The following CNTN5 variants were observed in gnomAD, a reference collection of about 807,000 sequenced individuals.
The protein encoded by CNTN5 is contactin-5.
In CNTN5, 77 loss-of-function variants were observed where a neutral mutation model predicts 129.1. The observed-to-expected ratio is 0.60, with a 90% CI of 0.50 to 0.72. CNTN5 has a LOEUF of 0.72. Among genes scored for constraint, CNTN5 ranks in the 30% least tolerant of loss-of-function variants. The pLI is 0.00. For missense variants in CNTN5, 1,478 were observed against 1,328.8 expected, an observed-to-expected ratio of 1.11 and a Z score of -1.75; for synonymous variants, 509 against 465.6, an observed-to-expected ratio of 1.09 and a Z score of -1.20.
At chr11:100,057,724 C>T (rs1274304171) in intron 9 of CNTN5, among the ~76,000 whole-genome samples, 2 of 151,898 alleles carry the variant, frequency 1.3e-5, no homozygotes, top group Admixed American at 6.6e-5. Flanking sequence ...CATATTAGAA[C>T]CCAGGTTTCT....
At chr11:99,963,009 G>T (rs1364526512) in intron 8 of CNTN5, among the ~76,000 whole-genome samples, 1 of 152,028 alleles carries the variant, frequency 6.6e-6, no homozygotes, top group East Asian at 1.9e-4. Context: ...GGGGTTGTTT[G>T]TTTATTTCTT....
intron 3 of CNTN5, among the ~76,000 whole-genome samples, chr11:99,689,042 T>C (rs1953918880): frequency 6.6e-6 from 1 of 152,140 alleles, no homozygotes; most frequent in Admixed American, 6.5e-5. Flanking sequence ...GTCTTTTCTA[T>C]TGTGAATAGT....
At chr11:99,791,018 AC>A (rs1179161115) in intron 3 of CNTN5, among the ~76,000 whole-genome samples, 5 of 151,706 alleles carry the variant, frequency 3.3e-5, no homozygotes, top group Non-Finnish European at 7.4e-5. Flanking sequence ...ACTGCTTATT[AC>A]TTTTTCAGTT....
chr11:99,046,820 A>G (rs1374436747), intron 1 of CNTN5, among the ~76,000 whole-genome samples: 1 of 152,090 alleles, frequency 6.6e-6, no homozygotes, highest in Non-Finnish European at 1.5e-5. Context: ...AATGCAATAA[A>G]TATAACTTGC....
chr11:100,013,046 A>G (rs369369307), intron 9 of CNTN5, among the ~76,000 whole-genome samples: 1 of 152,196 alleles, frequency 6.6e-6, no homozygotes, highest in Non-Finnish European at 1.5e-5. Flanking sequence ...AGCAACATGT[A>G]CATAACTGAA....
intron 8 of CNTN5, among the ~76,000 whole-genome samples, chr11:99,997,648 C>A (rs1474798798): frequency 6.6e-6 from 1 of 152,108 alleles, no homozygotes; most frequent in Non-Finnish European, 1.5e-5. Flanking sequence ...CTCCCTAACT[C>A]ACTTTATGAG....
At chr11:100,094,717 A>T (rs192965381) in intron 13 of CNTN5, among the ~76,000 whole-genome samples, 1 of 150,952 alleles carries the variant, frequency 6.6e-6, no homozygotes, top group Non-Finnish European at 1.5e-5. Context: ...CCAGGAGGAA[A>T]AAAGGAAAGA....
At chr11:100,186,180 C>A (rs1387209968) in intron 13 of CNTN5, among the ~76,000 whole-genome samples, 1 of 151,906 alleles carries the variant, frequency 6.6e-6, no homozygotes, top group East Asian at 1.9e-4. Flanking sequence ...GGCAACATGG[C>A]AAAGCCCATC....
intron 1 of CNTN5, among the ~76,000 whole-genome samples, chr11:99,244,597 T>C (rs141824503): frequency 6.6e-6 from 1 of 152,316 alleles, no homozygotes; most frequent in East Asian, 1.9e-4. Flanking sequence ...TTATACTCAG[T>C]GAACTACAAA....
intron 9 of CNTN5, among the ~76,000 whole-genome samples, chr11:100,020,709 A>G (rs1406732298): frequency 2.0e-5 from 3 of 152,160 alleles, no homozygotes; most frequent in Non-Finnish European, 4.4e-5. Context: ...TATTAGAACC[A>G]ATAAACAAAT....
chr11:99,591,337 C>CTTTTTTT (rs10633238), intron 3 of CNTN5, among the ~76,000 whole-genome samples: 8 of 113,100 alleles, frequency 7.1e-5, no homozygotes, highest in African/African-American at 9.9e-5. Flanking sequence ...TCAACAAAAC[C>CTTTTTTT]TTTTTTTTTT....
At chr11:99,793,198 T>C (rs1945814608) in intron 3 of CNTN5, among the ~76,000 whole-genome samples, 1 of 152,086 alleles carries the variant, frequency 6.6e-6, no homozygotes, top group African/African-American at 2.4e-5. Context: ...TAGCTGGGGC[T>C]ACAGGCACCT....
intron 9 of CNTN5, among the ~76,000 whole-genome samples, chr11:100,053,198 C>G (rs779912201): frequency 1.3e-5 from 2 of 151,502 alleles, no homozygotes; most frequent in East Asian, 3.9e-4. Context: ...TCAGAAAATA[C>G]TTCTTAAGAC....
rs1417732458 is a variant in CNTN5, at chr11:99,382,845, C to CCTTTTTTT, written c.-71+57361_-71+57362insCTTTTTTT. 2.3e-4 allele frequency among the ~76,000 whole-genome samples: 18 copies of CCTTTTTTT among 77,046 alleles called. 3 individuals are homozygous for CCTTTTTTT. In the South Asian group the frequency reaches 5.1e-3, roughly 22 times the overall value. 50.5% of individuals were successfully genotyped at this position (77,046 alleles called of 152,430 possible). On this transcript the variant is annotated intron_variant, in intron 2 of 24. Transcript: ENST00000524871. ...ACATCTCACTAGTGTCTCTAAATAACTTTTTTTTTTTTTTTTTTTTTTTTT... is the reference window on the plus strand; with the variant it reads ...ACATCTCACTAGTGTCTCTAAATAACCTTTTTTTTTTTTTTTTTTTTTTTTTTTTTTTT...
intron 21 of CNTN5, 48 bp from the exon 22 acceptor site, chr11:100,340,415 A>C (rs1952132141): frequency 7.0e-7 from 1 of 1,426,234 alleles, no homozygotes. Context: ...AGCCACAAGC[A>C]CAGAGGAAGC....
chr11:99,186,011 G>A (rs1858336206), intron 1 of CNTN5, among the ~76,000 whole-genome samples: 4 of 151,408 alleles, frequency 2.6e-5, no homozygotes, highest in Admixed American at 2.6e-4. Context: ...CAAAATAAAG[G>A]TTTATGAATA....
chr11:99,657,676 G>T (rs1183530744), intron 3 of CNTN5, among the ~76,000 whole-genome samples: 2 of 152,074 alleles, frequency 1.3e-5, no homozygotes, highest in African/African-American at 2.4e-5. Flanking sequence ...TTGACAAGTT[G>T]CATAGTCCTG....
chr11:99,063,170 A>C (rs1328573861), intron 1 of CNTN5, among the ~76,000 whole-genome samples: 1 of 152,094 alleles, frequency 6.6e-6, no homozygotes, highest in African/African-American at 2.4e-5. Flanking sequence ...TGAAAACTGA[A>C]AATTTATCAC....
At chr11:100,034,351 G>C (rs1337269237) in intron 9 of CNTN5, among the ~76,000 whole-genome samples, 1 of 152,246 alleles carries the variant, frequency 6.6e-6, no homozygotes, top group African/African-American at 2.4e-5. Context: ...AGAAACTAAA[G>C]TTGCTATCTC....
Sources: allele counts gnomAD v4.1 joint callset (sites outside exome capture counted in the v4.1 genomes callset), GRCh38; gene constraint gnomAD v4.1.1; transcripts MANE v1.5; gene names NCBI Gene and HGNC (gene_info 2026-07-23, HGNC 2026-07-21).